GRAMD4: variants seen among roughly 807,000 people sequenced by gnomAD.
GRAMD4 encodes GRAM domain containing 4.
In GRAMD4, 25 loss-of-function variants were observed where a neutral mutation model predicts 83.9. The observed-to-expected ratio is 0.30, with a 90% CI of 0.22 to 0.42. The LOEUF (loss-of-function observed/expected upper bound fraction) is 0.42. GRAMD4 is among the 10% of genes least tolerant of loss of function. The pLI is 1.00. For synonymous variants in GRAMD4, 336 were observed against 320.9 expected, an observed-to-expected ratio of 1.05 and a Z score of -0.50; for missense variants, 593 against 788.7, an observed-to-expected ratio of 0.75 and a Z score of 2.97.
intron 1 of GRAMD4, among the ~76,000 whole-genome samples, chr22:46,595,248 G>T (rs1047831418): frequency 1.3e-4 from 20 of 152,198 alleles, no homozygotes; most frequent in African/African-American, 4.8e-4. Context: ...GCGACGCAGC[G>T]GGTCTGCACG....
chr22:46,608,247 C>T (rs2081384312), intron 1 of GRAMD4, among the ~76,000 whole-genome samples: 1 of 152,228 alleles, frequency 6.6e-6, no homozygotes. Context: ...TCTCATCTTC[C>T]ATCAGGGCCG....
downstream of GRAMD4, among the ~76,000 whole-genome samples, chr22:46,681,584 T>C (rs2082671568): frequency 6.6e-6 from 1 of 152,184 alleles, no homozygotes; most frequent in Non-Finnish European, 1.5e-5. Context: ...GGACTTTTGT[T>C]CTGGGAGTGA....
At chr22:46,578,804 C>T (rs992593831) in intron 1 of GRAMD4, among the ~76,000 whole-genome samples, 4 of 152,218 alleles carry the variant, frequency 2.6e-5, no homozygotes, top group African/African-American at 9.6e-5. Context: ...GAAAGGGGCC[C>T]TGCCTGTCTT....
At chr22:46,581,506 C>T (rs1437394518) in intron 1 of GRAMD4, among the ~76,000 whole-genome samples, 1 of 152,216 alleles carries the variant, frequency 6.6e-6, no homozygotes, top group Non-Finnish European at 1.5e-5. Flanking sequence ...TCCTGATAAC[C>T]CTCCTCTAAG....
intron 1 of GRAMD4, among the ~76,000 whole-genome samples, chr22:46,591,252 C>T (rs749992537): frequency 6.2e-4 from 94 of 152,288 alleles, no homozygotes; most frequent in South Asian, 1.2e-3. Flanking sequence ...TGCAGTGGCT[C>T]ATGCCTGTAG....
chr22:46,681,533 G>A (rs999388466), downstream of GRAMD4, among the ~76,000 whole-genome samples: 2 of 152,200 alleles, frequency 1.3e-5, no homozygotes, highest in African/African-American at 4.8e-5. Flanking sequence ...TGTGCAACAA[G>A]GAAAGGTCAC....
Position 46,608,083 on chromosome 22 carries a change from C to T in GRAMD4, c.-49-18668C>T, listed in dbSNP as rs141148642. On this transcript the variant is annotated intron_variant, in intron 1 of 1. Coordinates refer to the GRAMD4 transcript ENST00000431155. ...GTAGGTGCTCATTAAACACTTAGTG[C>T]GTGGCTCGGTCATTGTGGTTCGTGG... is the stretch of plus-strand genomic sequence containing the variant. 8.7e-4 allele frequency among the ~76,000 whole-genome samples: 132 copies of T among 152,332 alleles called. 1 individual carries two copies. The highest frequency in any genetic ancestry group is 3.4e-3 in the Middle Eastern group (1 of 294).
chr22:46,604,644 A>C (rs2081347771), intron 1 of GRAMD4, among the ~76,000 whole-genome samples: 1 of 152,314 alleles, frequency 6.6e-6, no homozygotes, highest in South Asian at 2.1e-4. Flanking sequence ...GGAATCTCAC[A>C]GTGTCTATCT....
rs371408197 is a variant in GRAMD4, at chr22:46,630,869, C to T, written c.162+3908C>T. Among the ~76,000 whole-genome samples, 235 of 88,640 alleles carry T rather than the reference C, an allele frequency of 2.7e-3. 7 individuals carry two copies. The highest frequency in any genetic ancestry group is 3.5e-3 in the South Asian group (10 of 2,860). The allele number at this position is 88,640 out of a possible 152,430, so 58.2% of individuals were successfully genotyped here. A position where few individuals can be genotyped will look rare whatever the true frequency, so the allele number is the denominator to read the frequency against. On this transcript the variant is annotated intron_variant, in intron 2 of 18. Transcript: ENST00000406902. ...TGTGCGGTGTGCCCTCCATAGCCCCCCGAGGGCCGTGTGCCCTCACCCCGG... is the reference window on the plus strand; with the variant it reads ...TGTGCGGTGTGCCCTCCATAGCCCCTCGAGGGCCGTGTGCCCTCACCCCGG...
intron 1 of GRAMD4, among the ~76,000 whole-genome samples, chr22:46,625,785 G>A (rs2081648800): frequency 6.6e-6 from 1 of 152,248 alleles, no homozygotes; most frequent in Non-Finnish European, 1.5e-5. Flanking sequence ...CTGGCCTCCA[G>A]GCTTTTGGGG....
intron 1 of GRAMD4, among the ~76,000 whole-genome samples, chr22:46,603,450 C>T (rs748823090): frequency 2.7e-5 from 4 of 150,770 alleles, no homozygotes; most frequent in Non-Finnish European, 4.4e-5. Flanking sequence ...ACCTCGTGAT[C>T]CGCCCGCCTC....
Position 46,673,136 on chromosome 22 carries a change from GT to G in GRAMD4, c.1239+149del, listed in dbSNP as rs764854242. On this transcript the variant is annotated intron_variant, in intron 14 of 18. Coordinates refer to ENST00000406902, the MANE Select transcript of GRAMD4 (RefSeq NM_015124.5). ...TTTTATAGACTCCTTAAACTTGAGG[GT>G]TTTTTTTTTCCCTGTTACCACTGCG... 1.4e-3 allele frequency: 967 copies of G among 676,826 alleles called. 1 individual carries two copies. The highest frequency in any genetic ancestry group is 2.8e-3 in the South Asian group (125 of 44,928). 41.9% of individuals were successfully genotyped at this position (676,826 alleles called of 1,614,324 possible).
intron 16 of GRAMD4, 59 bp downstream of exon 16, chr22:46,674,809 A>AG: frequency 8.1e-7 from 1 of 1,233,304 alleles, no homozygotes; most frequent in Non-Finnish European, 1.2e-6. Flanking sequence ...GAGGCTGCCT[A>AG]GGCCCTGGGA....
At chr22:46,592,527 T>G (rs866281902) in intron 1 of GRAMD4, among the ~76,000 whole-genome samples, 42 of 151,996 alleles carry the variant, frequency 2.8e-4, no homozygotes, top group African/African-American at 9.7e-4. Context: ...TGTGGCTGTG[T>G]GGTGAACTCA....
At chr22:46,616,396 G>A (rs2081494660), upstream of GRAMD4, among the ~76,000 whole-genome samples, 1 of 112,012 alleles carries the variant, frequency 8.9e-6, no homozygotes, top group African/African-American at 3.6e-5. Context: ...CCCTGTGCGT[G>A]TAGGTTCCCC....
intron 1 of GRAMD4, among the ~76,000 whole-genome samples, chr22:46,579,147 C>T (rs543933278): frequency 5.9e-4 from 90 of 152,316 alleles, no homozygotes; most frequent in Middle Eastern, 6.8e-3. Context: ...TTCCACATAG[C>T]CCTGGGAGGC....
chr22:46,630,824 T>G (rs182110798), intron 2 of GRAMD4, among the ~76,000 whole-genome samples: 218 of 152,326 alleles, frequency 1.4e-3, no homozygotes, highest in African/African-American at 5.2e-3. Flanking sequence ...CGAGTGTGCC[T>G]GTGTGGTGGT....
Position 46,678,128 on chromosome 22 carries a change from T to C in GRAMD4, c.*877T>C. 1 of 985,616 alleles carries C rather than the reference T, an allele frequency of 1.0e-6. No homozygotes were observed. Among genetic ancestry groups the C allele is most frequent in the Non-Finnish European group, 1.2e-6 (1 of 830,060 alleles). The allele number at this position is 985,616 out of a possible 1,614,324, so 61.1% of individuals were successfully genotyped here. On this transcript the variant is annotated 3_prime_UTR_variant, in exon 19 of 19. Transcript: ENST00000406902. ...CATCCGCGAAGGCTGTTGGAGGTGC[T>C]CCGAGCACTGTGGCATGTCTGGCAC...
In GRAMD4 at chr22:46,621,372, T is replaced by G. The variant is rs1432004284; in HGVS notation, c.-50+807T>G. Among the ~76,000 whole-genome samples the G allele has an allele frequency of 6.6e-6, 1 of 152,156 alleles. No homozygotes were observed. Among genetic ancestry groups the G allele is most frequent in the Non-Finnish European group, 1.5e-5 (1 of 68,014 alleles). ...GGAAATGGCTCTTTGCAGATGTCAC[T>G]GAGATGAAGTCACCCTGGTGTACAG... On this transcript the variant is annotated intron_variant, in intron 1 of 18. Coordinates refer to ENST00000406902, the MANE Select transcript of GRAMD4 (RefSeq NM_015124.5). This position sits in a 1 kb window ranked among gnomAD's most constrained non-coding sequence, Gnocchi z 5.8.
Sources: gnomAD v4.1 joint callset for allele counts (sites outside exome capture counted in the v4.1 genomes callset) on GRCh38, gnomAD v4.1.1 for gene constraint, Gnocchi (gnomAD v3.1) non-coding constraint, MANE v1.5 for transcripts, NCBI Gene and HGNC (gene_info 2026-07-23, HGNC 2026-07-21) for gene names.